Variants in GAD1 observed in about 807,000 individuals in gnomAD.
GAD1 encodes the protein glutamate decarboxylase 1.
In GAD1, 35 loss-of-function variants were observed where a neutral mutation model predicts 75.2. That is an observed-to-expected ratio of 0.47 (90% CI 0.36 to 0.62). The LOEUF is 0.62. Among genes scored for constraint, GAD1 ranks in the 20% least tolerant of loss-of-function variants. The pLI, the probability that GAD1 is intolerant of heterozygous loss-of-function variation, is 0.00. For synonymous variants in GAD1, 257 were observed against 271.9 expected, an observed-to-expected ratio of 0.95 and a Z score of 0.54; for missense variants, 490 against 758.5, an observed-to-expected ratio of 0.65 and a Z score of 4.16.
chr2:170,853,728 T>G lies in GAD1; in HGVS notation c.1264-145T>G. On this transcript the variant is annotated intron_variant, in intron 13 of 16. Coordinates refer to ENST00000358196, the MANE Select transcript of GAD1 (RefSeq NM_000817.3). This position sits in a 1 kb window ranked among gnomAD's most constrained non-coding sequence, Gnocchi z 4.1. ...CCAAGAGTGATTTTAGAAAAGGGCA[T>G]CAGAACAAGTGTAAGGCCTCATAAA... The G allele has an allele frequency of 1.3e-6, 1 of 751,052 alleles. No homozygotes were observed. Among genetic ancestry groups the G allele is most frequent in the Non-Finnish European group, 2.3e-6 (1 of 434,876 alleles). The allele number at this position is 751,052 out of a possible 1,614,324, so 46.5% of individuals were successfully genotyped here. A position where few individuals can be genotyped will look rare whatever the true frequency, so the allele number is the denominator to read the frequency against.
chr2:170,851,699 A>G (rs1236083305), intron 12 of GAD1, among the ~76,000 whole-genome samples: 4 of 152,214 alleles, frequency 2.6e-5, no homozygotes, highest in Non-Finnish European at 5.9e-5. Flanking sequence ...TTTGGGAAGG[A>G]GTCTGCAAAC....
intron 6 of GAD1, among the ~76,000 whole-genome samples, chr2:170,838,661 C>G (rs1279212555): frequency 1.3e-5 from 2 of 152,144 alleles, no homozygotes; most frequent in Non-Finnish European, 2.9e-5. Context: ...AAATAACGGA[C>G]CTCCCCCCTT....
intron 3 of GAD1, among the ~76,000 whole-genome samples, chr2:170,828,056 CTCCTTCTGCTGTCCT>C (rs1559271524): frequency 3.2e-5 from 1 of 30,896 alleles, no homozygotes; most frequent in African/African-American, 1.9e-4. Context: ...CTCACCCCTC[CTCCTTCTGCTGTCCT>C]CCCTCTGCTG....
intron 5 of GAD1, among the ~76,000 whole-genome samples, chr2:170,835,302 C>A (rs552487174): frequency 6.6e-6 from 1 of 152,306 alleles, no homozygotes; most frequent in Non-Finnish European, 1.5e-5. Flanking sequence ...ATCTCCCCCT[C>A]CAACTCTTCT....
chr2:170,817,808 C>G (rs1307875382), intron 1 of GAD1: 2 of 152,488 alleles, frequency 1.3e-5, no homozygotes, highest in South Asian at 4.1e-4. Context: ...GAAACCTCGC[C>G]CTAGGCTTAG....
At chr2:170,847,875 G>A (rs563772634) in intron 11 of GAD1, 83 bp downstream of exon 11, 8 of 859,860 alleles carry the variant, frequency 9.3e-6, no homozygotes, top group East Asian at 4.8e-5. Context: ...TTCTCCCCAC[G>A]CCCCAGCCAG....
rs1575440155 is a variant in GAD1 at position 170,842,758 on chromosome 2, T to C, written c.639-1287T>C. 12 of 1,511,514 alleles carry C rather than the reference T, an allele frequency of 7.9e-6. No homozygotes were observed. The African/African-American group carries it at 8.4e-5, about 11-fold the overall frequency. 93.6% of individuals were successfully genotyped at this position (1,511,514 alleles called of 1,614,324 possible). Reference sequence around the variant, plus strand: ...TGGAAATAAAATACTTCTACCAACATATCTGAGGATCCTTCAGGATCTTTT... The same window carrying C: ...TGGAAATAAAATACTTCTACCAACACATCTGAGGATCCTTCAGGATCTTTT... On this transcript the variant is annotated intron_variant, in intron 6 of 16. Transcript: ENST00000358196.
intron 3 of GAD1, among the ~76,000 whole-genome samples, chr2:170,827,690 C>G (rs1002392086): frequency 6.6e-6 from 1 of 152,160 alleles, no homozygotes; most frequent in African/African-American, 2.4e-5. Context: ...TCTTGGATGA[C>G]TAGTTTTATT....
chr2:170,840,630 A>C (rs1408517490), intron 6 of GAD1, among the ~76,000 whole-genome samples: 1 of 98,322 alleles, frequency 1.0e-5, no homozygotes, highest in African/African-American at 3.7e-5. Flanking sequence ...GGAGGAAGGG[A>C]GGAAGGGAGG....
intron 6 of GAD1, among the ~76,000 whole-genome samples, chr2:170,842,405 C>T (rs887155793): frequency 2.0e-5 from 3 of 152,338 alleles, no homozygotes; most frequent in Non-Finnish European, 4.4e-5. Flanking sequence ...AGTATCTCCT[C>T]GCCATGCAAA....
At chr2:170,831,685 TAAA>T (rs1174785392) in intron 5 of GAD1, among the ~76,000 whole-genome samples, 1 of 132,176 alleles carries the variant, frequency 7.6e-6, no homozygotes, top group East Asian at 2.0e-4. Flanking sequence ...TTTAATATAA[TAAA>T]TAAATAATAA....
intron 3 of GAD1, among the ~76,000 whole-genome samples, chr2:170,824,680 G>T (rs1040030404): frequency 1.2e-4 from 18 of 152,160 alleles, no homozygotes; most frequent in Non-Finnish European, 2.4e-4. Context: ...ACTAGTGGTA[G>T]CCCTGAAGGC....
intron 5 of GAD1, among the ~76,000 whole-genome samples, chr2:170,833,157 AT>A (rs1384099956): frequency 2.0e-5 from 3 of 152,196 alleles, no homozygotes; most frequent in Non-Finnish European, 4.4e-5. Context: ...TTGAAGATAG[AT>A]TTAAGACTGA....
At chr2:170,858,701 T>C in intron 15 of GAD1, 103 bp from the exon 16 acceptor site, 1 of 976,694 alleles carries the variant, frequency 1.0e-6, no homozygotes, top group Non-Finnish European at 1.6e-6. Flanking sequence ...TCAACCTCTT[T>C]CTTTGGTCCA....
Position 170,818,724 on chromosome 2 carries a change from C to T in GAD1, c.82+51C>T, listed in dbSNP as rs752187943. Reference sequence around the variant, plus strand: ...AAATGAACTGCAGGGAAGATGGGGGCGCTGGGACGTCGGGAGGCTGAGCTG... The same window carrying T: ...AAATGAACTGCAGGGAAGATGGGGGTGCTGGGACGTCGGGAGGCTGAGCTG... On this transcript the variant is annotated intron_variant, in intron 2 of 16. Transcript: ENST00000358196. The surrounding 1 kb of genome is among the most constrained non-coding windows in gnomAD (Gnocchi z 5.9). The T allele has an allele frequency of 3.2e-6, 5 of 1,557,466 alleles. No homozygotes were observed. Among genetic ancestry groups the T allele is most frequent in the Non-Finnish European group, 4.4e-6 (5 of 1,128,424 alleles).
intron 5 of GAD1, among the ~76,000 whole-genome samples, chr2:170,833,341 T>C (rs1328237577): frequency 6.6e-6 from 1 of 152,250 alleles, no homozygotes; most frequent in Non-Finnish European, 1.5e-5. Context: ...AAATGACTGA[T>C]GGATACACAA....
chr2:170,856,493 AC>A (rs1702855116), intron 14 of GAD1, among the ~76,000 whole-genome samples: 1 of 152,228 alleles, frequency 6.6e-6, no homozygotes, highest in Admixed American at 6.5e-5. Context: ...CTGATGAAGA[AC>A]CAGTTATTTG....
At chr2:170,827,190 C>G (rs898247792) in intron 3 of GAD1, among the ~76,000 whole-genome samples, 1 of 152,196 alleles carries the variant, frequency 6.6e-6, no homozygotes, top group African/African-American at 2.4e-5. Context: ...CCCATGCATC[C>G]CCCCTTCTCC....
chr2:170,829,718 T>C, intron 4 of GAD1, 85 bp downstream of exon 4: 1 of 1,446,218 alleles, frequency 6.9e-7, no homozygotes, highest in Non-Finnish European at 9.6e-7. Flanking sequence ...TTTTACTTCT[T>C]TTATCAAGAA....
Sources: gnomAD v4.1 joint callset for allele counts (sites outside exome capture counted in the v4.1 genomes callset) on GRCh38, gnomAD v4.1.1 for gene constraint, Gnocchi (gnomAD v3.1) non-coding constraint, MANE v1.5 for transcripts, NCBI Gene and HGNC (gene_info 2026-07-23, HGNC 2026-07-21) for gene names.